Variants in HPSE2 observed in about 807,000 individuals in gnomAD.
The protein encoded by HPSE2 is inactive heparanase-2.
In HPSE2, 38 loss-of-function variants were observed where a neutral mutation model predicts 60.5. The ratio of observed to expected loss-of-function variants is 0.63; its 90% CI spans 0.48 to 0.82. HPSE2 has a LOEUF of 0.82. Among genes scored for constraint, HPSE2 ranks in the 40% least tolerant of loss-of-function variants. The pLI is 0.00. For synonymous variants in HPSE2, 295 were observed against 293.2 expected (o/e 1.01, Z -0.06); for missense variants, 713 against 740.4 (o/e 0.96, Z 0.43).
intron 3 of HPSE2, among the ~76,000 whole-genome samples, chr10:99,068,731 T>C (rs1307923669): frequency 6.6e-6 from 1 of 151,936 alleles, no homozygotes; most frequent in Non-Finnish European, 1.5e-5. Context: ...TTTAACAAGA[T>C]CCACTATGAA....
chr10:98,658,310 T>C (rs953493953), intron 6 of HPSE2, among the ~76,000 whole-genome samples: 1 of 152,260 alleles, frequency 6.6e-6, no homozygotes, highest in African/African-American at 2.4e-5. Context: ...TGAATGAGCA[T>C]AGCTGTGTTC....
chr10:99,220,857 T>A (rs1849288914), intron 2 of HPSE2, among the ~76,000 whole-genome samples: 1 of 141,616 alleles, frequency 7.1e-6, no homozygotes, highest in African/African-American at 2.5e-5. Flanking sequence ...GCTTTCACTT[T>A]TTTTTTTTTT....
At chr10:98,522,099 G>A (rs1346342542) in intron 9 of HPSE2, among the ~76,000 whole-genome samples, 5 of 151,772 alleles carry the variant, frequency 3.3e-5, no homozygotes, top group South Asian at 2.1e-4. Flanking sequence ...AAACCTGCAT[G>A]TTGTGCACAT....
intron 2 of HPSE2, among the ~76,000 whole-genome samples, chr10:99,198,250 T>A (rs1287451272): frequency 6.6e-6 from 1 of 152,154 alleles, no homozygotes; most frequent in African/African-American, 2.4e-5. Context: ...CTTTAAAATG[T>A]GAGTAATAAT....
intron 3 of HPSE2, among the ~76,000 whole-genome samples, chr10:98,809,626 T>C (rs968293367): frequency 1.3e-5 from 2 of 152,158 alleles, no homozygotes; most frequent in Non-Finnish European, 2.9e-5. Flanking sequence ...TGGATGATCA[T>C]AGCTTACTCT....
chr10:99,063,158 T>C (rs1205040110), intron 3 of HPSE2, among the ~76,000 whole-genome samples: 2 of 152,306 alleles, frequency 1.3e-5, no homozygotes, highest in Middle Eastern at 3.4e-3. Context: ...TGAGAATATA[T>C]GTGAAAATCT....
chr10:99,044,988 TC>T (rs1234340998), intron 3 of HPSE2, among the ~76,000 whole-genome samples: 36 of 152,210 alleles, frequency 2.4e-4, no homozygotes, highest in African/African-American at 8.7e-4. Context: ...AACTATGGAC[TC>T]AAATGCAACA....
rs142541394 is a variant in HPSE2, at chr10:98,688,320, T to C, written c.1004+5580A>G. 7.6e-4 allele frequency among the ~76,000 whole-genome samples: 115 copies of C among 152,216 alleles called. No individual in the cohort carries two copies. The East Asian group carries it at 0.02, about 27-fold the overall frequency. On this transcript the variant is annotated intron_variant, in intron 6 of 11. Coordinates refer to ENST00000370552, the MANE Select transcript of HPSE2 (RefSeq NM_021828.5). ...ACAATTTATATTTTTGCATGAATCA[T>C]TATTTTGTAAATAAATTGGGGAAAA...
intron 5 of HPSE2, among the ~76,000 whole-genome samples, chr10:98,713,772 G>C (rs1204817514): frequency 1.3e-5 from 2 of 151,798 alleles, no homozygotes; most frequent in Non-Finnish European, 2.9e-5. Context: ...ATTCTCCAGA[G>C]CATACTTAAG....
the HPSE2 span, among the ~76,000 whole-genome samples, chr10:99,248,652 G>A: frequency 6.6e-6 from 1 of 152,226 alleles, no homozygotes; most frequent in African/African-American, 2.4e-5. Flanking sequence ...AAGTAAAAAG[G>A]ACTAAATGTT....
chr10:98,988,291 A>G (rs1221998096), intron 3 of HPSE2, among the ~76,000 whole-genome samples: 1 of 152,306 alleles, frequency 6.6e-6, no homozygotes, highest in Admixed American at 6.5e-5. Context: ...TGGTACCAAA[A>G]CAGAGATATA....
intron 3 of HPSE2, among the ~76,000 whole-genome samples, chr10:98,957,018 T>C (rs1190415884): frequency 6.6e-6 from 1 of 152,156 alleles, no homozygotes; most frequent in Non-Finnish European, 1.5e-5. Flanking sequence ...TCTGTTGCAT[T>C]CCAAGAGTGA....
chr10:98,661,402 C>T (rs539846255), intron 6 of HPSE2, among the ~76,000 whole-genome samples: 8 of 152,236 alleles, frequency 5.3e-5, no homozygotes, highest in African/African-American at 1.7e-4. Flanking sequence ...TCAAAAGGAA[C>T]AAAAAGCATA....
At chr10:98,607,086 CCTCCCTCCCTCT>C (rs922152137) in intron 9 of HPSE2, among the ~76,000 whole-genome samples, 7 of 140,404 alleles carry the variant, frequency 5.0e-5, no homozygotes, top group Admixed American at 2.1e-4. Context: ...TCTCTCCCTC[CCTCCCTCCCTCT>C]CTCCCTCCCT....
intron 9 of HPSE2, among the ~76,000 whole-genome samples, chr10:98,565,909 G>T (rs1244495584): frequency 1.3e-5 from 2 of 149,628 alleles, no homozygotes; most frequent in African/African-American, 2.4e-5. Flanking sequence ...CCAAGAGGTA[G>T]AGAGAGAGAG....
At chr10:98,755,684 A>G (rs188953214) in intron 3 of HPSE2, among the ~76,000 whole-genome samples, 10 of 152,304 alleles carry the variant, frequency 6.6e-5, no homozygotes, top group Admixed American at 6.5e-4. Context: ...ACAGTGCAAT[A>G]CAAATAGAAA....
intron 9 of HPSE2, among the ~76,000 whole-genome samples, chr10:98,522,082 A>C (rs1942812524): frequency 6.6e-6 from 1 of 151,876 alleles, no homozygotes; most frequent in African/African-American, 2.4e-5. Flanking sequence ...ATGTACACCT[A>C]TTTATCAAAC....
chr10:98,914,806 T>C (rs556556148), intron 3 of HPSE2, among the ~76,000 whole-genome samples: 1 of 151,738 alleles, frequency 6.6e-6, no homozygotes, highest in Admixed American at 6.6e-5. Flanking sequence ...CCTCTAATAC[T>C]AAAGGGCAAA....
chr10:98,471,798 T>C (rs962240295), intron 11 of HPSE2, among the ~76,000 whole-genome samples: 4 of 152,208 alleles, frequency 2.6e-5, no homozygotes, highest in Non-Finnish European at 5.9e-5. Flanking sequence ...TCTTGAACAC[T>C]GAAAAGAACA....
Sources: allele counts gnomAD v4.1 joint callset (sites outside exome capture counted in the v4.1 genomes callset), GRCh38; gene constraint gnomAD v4.1.1; transcripts MANE v1.5; gene names NCBI Gene and HGNC (gene_info 2026-07-23, HGNC 2026-07-21).